DCPS: variants seen among roughly 807,000 people sequenced by gnomAD.
The protein encoded by DCPS is decapping enzyme, scavenger, also known as m7GpppX diphosphatase.
Under a neutral mutation model 34.7 loss-of-function variants are expected in DCPS, and 27 were observed. The observed-to-expected ratio is 0.78, with a 90% confidence interval of 0.57 to 1.07. The LOEUF (loss-of-function observed/expected upper bound fraction) is 1.07, where lower values mean the gene tolerates loss of function less well. DCPS is among the 50% of genes least tolerant of loss of function. The pLI is 0.00. For synonymous variants in DCPS, 185 were observed against 185.7 expected (o/e 1.00, Z 0.03); for missense variants, 464 against 436.9 (o/e 1.06, Z -0.55).
Position 126,327,276 on chromosome 11 carries a change from T to C in DCPS, c.377-4129T>C, listed in dbSNP as rs1229267853. 6.6e-6 allele frequency among the ~76,000 whole-genome samples: 1 copy of C among 152,204 alleles called. No homozygotes were observed. The highest frequency in any genetic ancestry group is 6.5e-5 in the Admixed American group (1 of 15,278). On this transcript the variant is annotated intron_variant, in intron 2 of 5. Transcript: ENST00000263579. The surrounding 1 kb of genome is among the most constrained non-coding windows in gnomAD (Gnocchi z 4.1). Reference sequence around the variant, plus strand: ...TGTAGTGTTATAAAGCCACTAGTTTTGTTGAATGCCCCTGGATTTTGGTTT... The same window carrying C: ...TGTAGTGTTATAAAGCCACTAGTTTCGTTGAATGCCCCTGGATTTTGGTTT...
chr11:126,333,746 G>T lies in DCPS; in HGVS notation c.522+2196G>T, dbSNP rs1294899186. 6.6e-6 allele frequency among the ~76,000 whole-genome samples: 1 copy of T among 152,194 alleles called. No individual in the cohort carries two copies. The highest frequency in any genetic ancestry group is 1.5e-5 in the Non-Finnish European group (1 of 68,040). ...GAGGCACGTGGACTTTGTCCAGGGG[G>T]CCAGGAGTTCCTGAACCTTGCTTAC... On this transcript the variant is annotated intron_variant, in intron 3 of 5. Coordinates refer to ENST00000263579, the MANE Select transcript of DCPS (RefSeq NM_014026.6). The surrounding 1 kb of genome is among the most constrained non-coding windows in gnomAD (Gnocchi z 5.7).
rs1951543736 is a variant in DCPS, at chr11:126,304,190, G to C, written c.110G>C (p.Cys37Ser). The change falls in exon 1 of 6, where the codon TGT becomes TCT. Residue 37 changes from cysteine to serine, a missense_variant. Transcript: ENST00000263579. Reference protein sequence around the residue: ...EKEAGVGNGTCAPVRLPFSGF... With the variant: ...EKEAGVGNGTSAPVRLPFSGF... Reference sequence around the variant, plus strand: ...GAGGCAGGAGTTGGAAATGGTACCTGTGCTCCTGTCCGCTTACCGTTCTCC... The same window carrying C: ...GAGGCAGGAGTTGGAAATGGTACCTCTGCTCCTGTCCGCTTACCGTTCTCC... The C allele has an allele frequency of 1.9e-6, 3 of 1,614,280 alleles. No individual in the cohort carries two copies. Among genetic ancestry groups the C allele is most frequent in the Non-Finnish European group, 2.5e-6 (3 of 1,180,056 alleles).
Position 126,338,117 on chromosome 11 carries a change from A to T in DCPS, c.523-169A>T. 1.6e-6 allele frequency: 1 copy of T among 632,436 alleles called. No homozygotes were observed. Among genetic ancestry groups the T allele is most frequent in the Non-Finnish European group, 2.8e-6 (1 of 351,684 alleles). The allele number at this position is 632,436 out of a possible 1,614,324, so 39.2% of individuals were successfully genotyped here. ...AAGTCCCTTCTGGACCCCTAAGAACAGATGCTTGGGGACAGGGCAGCCCGG... is the reference window on the plus strand; with the variant it reads ...AAGTCCCTTCTGGACCCCTAAGAACTGATGCTTGGGGACAGGGCAGCCCGG... On this transcript the variant is annotated intron_variant, in intron 3 of 5. Transcript: ENST00000263579. The surrounding 1 kb of genome is among the most constrained non-coding windows in gnomAD (Gnocchi z 5.4).
chr11:126,329,950 G>T lies in DCPS; in HGVS notation c.377-1455G>T, dbSNP rs1284825234. Among the ~76,000 whole-genome samples the T allele has an allele frequency of 6.6e-6, 1 of 152,132 alleles. No homozygotes were observed. Among genetic ancestry groups the T allele is most frequent in the Admixed American group, 6.6e-5 (1 of 15,256 alleles). The stretch of plus-strand genomic sequence containing the variant: ...TTAAGAAAGTCAGAGGGAACCATGG[G>T]TCTTTTGAGAAAGATCCAAGCTGAT... On this transcript the variant is annotated intron_variant, in intron 2 of 5. Coordinates refer to ENST00000263579, the MANE Select transcript of DCPS (RefSeq NM_014026.6). The surrounding 1 kb of genome is among the most constrained non-coding windows in gnomAD (Gnocchi z 5.0).
intron 4 of DCPS, among the ~76,000 whole-genome samples, chr11:126,340,151 G>A (rs1323798672): frequency 2.0e-5 from 3 of 152,168 alleles, no homozygotes; most frequent in Non-Finnish European, 4.4e-5. Context: ...AGCTGCCAGT[G>A]GAACCTCCCT....
In DCPS at chr11:126,338,360, T is replaced by G; in HGVS notation, c.597T>G (p.Gly199=). The G allele has an allele frequency of 6.2e-7, 1 of 1,614,090 alleles. No individual in the cohort carries two copies. Among genetic ancestry groups the G allele is most frequent in the Non-Finnish European group, 8.5e-7 (1 of 1,179,996 alleles). The change falls in exon 4 of 6, where the codon GGT becomes GGG. Residue 199 remains glycine, a synonymous_variant. Transcript: ENST00000263579. The surrounding 1 kb of genome is among the most constrained non-coding windows in gnomAD (Gnocchi z 5.4). ...TCGAGAACCCAGATCCCTCTGATGG[T>G]TTTGTCCTCATCCCTGACCTCAAGT... ...IVFENPDPSD[G]FVLIPDLKWN...
chr11:126,307,539 C>A (rs772402933), intron 2 of DCPS, among the ~76,000 whole-genome samples: 1 of 151,734 alleles, frequency 6.6e-6, no homozygotes, highest in Non-Finnish European at 1.5e-5. Flanking sequence ...GCCTCCCGAG[C>A]AGCTGGGATT....
rs544709261 is a variant in DCPS at position 126,306,856 on chromosome 11, G to A, written c.376+112G>A. 1,558 of 1,259,270 alleles carry A rather than the reference G, an allele frequency of 1.2e-3. 1 individual carries two copies. Among genetic ancestry groups the A allele is most frequent in the Middle Eastern group, 5.8e-3 (26 of 4,508 alleles). 78.0% of individuals were successfully genotyped at this position (1,259,270 alleles called of 1,614,324 possible). ...CCGATTTGCATATTCTAGTACAATAGGGAGATTACTTCCCTAGGGGACATT... is the reference window on the plus strand; with the variant it reads ...CCGATTTGCATATTCTAGTACAATAAGGAGATTACTTCCCTAGGGGACATT... On this transcript the variant is annotated intron_variant, in intron 2 of 5. Coordinates refer to ENST00000263579, the MANE Select transcript of DCPS (RefSeq NM_014026.6).
Position 126,306,721 on chromosome 11 carries a change from T to C in DCPS, c.353T>C (p.Leu118Ser). ...AATGATATCTACAGCACCTATCACTTGTTCCCTCCAAGACAACTGAATGGT... is the reference window on the plus strand; with the variant it reads ...AATGATATCTACAGCACCTATCACTCGTTCCCTCCAAGACAACTGAATGGT... ...FSNDIYSTYH[L>S]FPPRQLNDVK... The change falls in exon 2 of 6, where the codon TTG becomes TCG. Residue 118 changes from leucine to serine, a missense_variant. Transcript: ENST00000263579. 2 of 1,601,618 alleles carry C rather than the reference T, an allele frequency of 1.2e-6. No individual in the cohort carries two copies. The highest frequency in any genetic ancestry group is 1.7e-6 in the Non-Finnish European group (2 of 1,169,502).
intron 1 of DCPS, among the ~76,000 whole-genome samples, chr11:126,306,279 G>A (rs922555278): frequency 9.9e-5 from 15 of 152,060 alleles, no homozygotes; most frequent in Non-Finnish European, 1.8e-4. Context: ...AGGCTGTGGC[G>A]GGAGAATTGT....
rs1951899807 is a variant in DCPS, at chr11:126,344,267, G to GC, written c.747+854dup. 6.6e-6 allele frequency among the ~76,000 whole-genome samples: 1 copy of GC among 152,144 alleles called. No homozygotes were observed. Among genetic ancestry groups the GC allele is most frequent in the South Asian group, 2.1e-4 (1 of 4,826 alleles). Reference sequence around the variant, plus strand: ...CATACCCAGCTTCCCCTGCTGCTGGGCCCCGATCTATCTTCCCTCCTGCTC... The same window carrying GC: ...CATACCCAGCTTCCCCTGCTGCTGGGCCCCCGATCTATCTTCCCTCCTGCTC... On this transcript the variant is annotated intron_variant, in intron 5 of 5. Transcript: ENST00000263579. The surrounding 1 kb of genome is among the most constrained non-coding windows in gnomAD (Gnocchi z 8.1).
In DCPS at chr11:126,349,613, C is replaced by T. The variant is rs780665315; in HGVS notation, c.*4000C>T. 2.0e-5 allele frequency among the ~76,000 whole-genome samples: 3 copies of T among 152,170 alleles called. No individual in the cohort carries two copies. Among genetic ancestry groups the T allele is most frequent in the Non-Finnish European group, 4.4e-5 (3 of 68,036 alleles). ...CTGAGAAATAAGAAACAACTACATACGAAGTAATACTTGAAAATGTTTCTC... is the reference window on the plus strand; with the variant it reads ...CTGAGAAATAAGAAACAACTACATATGAAGTAATACTTGAAAATGTTTCTC... On this transcript the variant is annotated 3_prime_UTR_variant, in exon 6 of 6. Transcript: ENST00000263579. The surrounding 1 kb of genome is among the most constrained non-coding windows in gnomAD (Gnocchi z 5.4).
At position 126,342,457 on chromosome 11, in the gene DCPS, GT is replaced by G. The variant is rs1951882629; in HGVS notation, c.637-848del. On this transcript the variant is annotated intron_variant, in intron 4 of 5. Coordinates refer to ENST00000263579, the MANE Select transcript of DCPS (RefSeq NM_014026.6). This position sits in a 1 kb window ranked among gnomAD's most constrained non-coding sequence, Gnocchi z 4.4. Reference sequence around the variant, plus strand: ...TGGGCCTTGACTCCAAACAAATCAAGTTGCTTCCTCTCCCCTTCCGTATACA... The same window carrying G: ...TGGGCCTTGACTCCAAACAAATCAAGTGCTTCCTCTCCCCTTCCGTATACA... 1 of 152,358 alleles carries G rather than the reference GT, an allele frequency of 6.6e-6. No homozygotes were observed. Among genetic ancestry groups the G allele is most frequent in the African/African-American group, 2.4e-5 (1 of 41,446 alleles). The allele number at this position is 152,358 out of a possible 1,614,324, so 9.4% of individuals were successfully genotyped here. A position where few individuals can be genotyped will look rare whatever the true frequency, so the allele number is the denominator to read the frequency against.
rs1248240301 is a variant in DCPS at position 126,348,154 on chromosome 11, GT to G, written c.*2542del. ...CCCAACAGGACAGACGAGGCTGGCA[GT>G]CACAGCAGAGGGCAGGCACTCAGGT... On this transcript the variant is annotated 3_prime_UTR_variant, in exon 6 of 6. Coordinates refer to ENST00000263579, the MANE Select transcript of DCPS (RefSeq NM_014026.6). This position sits in a 1 kb window ranked among gnomAD's most constrained non-coding sequence, Gnocchi z 5.3. Among the ~76,000 whole-genome samples the G allele has an allele frequency of 3.9e-5, 6 of 152,196 alleles. No individual in the cohort carries two copies. The highest frequency in any genetic ancestry group is 1.4e-4 in the African/African-American group (6 of 41,442).
Position 126,348,313 on chromosome 11 carries a change from C to G in DCPS, c.*2700C>G. ...GCCTCTCTGGGATAGCGTCCCCTCA[C>G]TCCTCTCCCAGCCTCGTTTATCTTC... On this transcript the variant is annotated 3_prime_UTR_variant, in exon 6 of 6. Transcript: ENST00000263579. This position sits in a 1 kb window ranked among gnomAD's most constrained non-coding sequence, Gnocchi z 5.3. Among the ~76,000 whole-genome samples, 1 of 152,340 alleles carries G rather than the reference C, an allele frequency of 6.6e-6. No individual in the cohort carries two copies. Among genetic ancestry groups the G allele is most frequent in the Non-Finnish European group, 1.5e-5 (1 of 68,038 alleles).
chr11:126,332,078 C>T lies in DCPS; in HGVS notation c.522+528C>T, dbSNP rs1484604555. The stretch of plus-strand genomic sequence containing the variant: ...GGTAAAAGGCTGATGTTGAGTGAGT[C>T]CCACCCTGTCCAGACTCTTATTCCT... On this transcript the variant is annotated intron_variant, in intron 3 of 5. Coordinates refer to ENST00000263579, the MANE Select transcript of DCPS (RefSeq NM_014026.6). This position sits in a 1 kb window ranked among gnomAD's most constrained non-coding sequence, Gnocchi z 5.4. Among the ~76,000 whole-genome samples the T allele has an allele frequency of 1.3e-5, 2 of 152,200 alleles. No homozygotes were observed. Among genetic ancestry groups the T allele is most frequent in the Non-Finnish European group, 2.9e-5 (2 of 68,030 alleles).
intron 2 of DCPS, among the ~76,000 whole-genome samples, chr11:126,310,768 G>T (rs938727951): frequency 4.6e-5 from 7 of 152,236 alleles, no homozygotes; most frequent in African/African-American, 1.7e-4. Flanking sequence ...TCCAGTCCCA[G>T]CCTTGGAGTC....
rs1951905518 is a variant in DCPS, at chr11:126,344,940, C to G, written c.748-407C>G. ...GCTAAAAGAGAGAATGAGGCTTCCTCCCATCCACTTCATGACTGATGAAAT... is the reference window on the plus strand; with the variant it reads ...GCTAAAAGAGAGAATGAGGCTTCCTGCCATCCACTTCATGACTGATGAAAT... On this transcript the variant is annotated intron_variant, in intron 5 of 5. Coordinates refer to ENST00000263579, the MANE Select transcript of DCPS (RefSeq NM_014026.6). The surrounding 1 kb of genome is among the most constrained non-coding windows in gnomAD (Gnocchi z 8.1). 6.6e-6 allele frequency among the ~76,000 whole-genome samples: 1 copy of G among 152,232 alleles called. No individual in the cohort carries two copies. Among genetic ancestry groups the G allele is most frequent in the Non-Finnish European group, 1.5e-5 (1 of 68,040 alleles).
In DCPS at chr11:126,346,028, CTCCTTTGA is replaced by C. The variant is rs1394666394; in HGVS notation, c.*416_*423del. Among the ~76,000 whole-genome samples the C allele has an allele frequency of 6.6e-6, 1 of 152,156 alleles. No individual in the cohort carries two copies. Among genetic ancestry groups the C allele is most frequent in the Non-Finnish European group, 1.5e-5 (1 of 68,026 alleles). On this transcript the variant is annotated 3_prime_UTR_variant, in exon 6 of 6. Coordinates refer to ENST00000263579, the MANE Select transcript of DCPS (RefSeq NM_014026.6). This position sits in a 1 kb window ranked among gnomAD's most constrained non-coding sequence, Gnocchi z 4.1. ...CTCCTCCTTCCCCTGCCATCCACCTCTCCTTTGAGGAGTTCCCCAAAAAACCAAACTTG... is the reference window on the plus strand; with the variant it reads ...CTCCTCCTTCCCCTGCCATCCACCTCGGAGTTCCCCAAAAAACCAAACTTG...
Sources: allele counts gnomAD v4.1 joint callset (sites outside exome capture counted in the v4.1 genomes callset), GRCh38; gene constraint gnomAD v4.1.1; non-coding constraint Gnocchi (gnomAD v3.1); transcripts MANE v1.5; gene names NCBI Gene and HGNC (gene_info 2026-07-23, HGNC 2026-07-21).